DYSF: variants seen among roughly 807,000 people sequenced by gnomAD.
The protein encoded by DYSF is dystrophy-associated fer-1-like 1.
A neutral mutation model predicts 274.9 loss-of-function variants in DYSF; 212 were observed. The observed-to-expected ratio is 0.77, with a 90% CI of 0.69 to 0.86. The LOEUF (loss-of-function observed/expected upper bound fraction) is 0.86, where lower values mean the gene tolerates loss of function less well. Ranked by LOEUF, DYSF falls within the 40% of genes least tolerant of loss-of-function variation. DYSF has a pLI of 0.00. For missense variants in DYSF, 2,666 were observed against 2,783.2 expected, an observed-to-expected ratio of 0.96 and a Z score of 0.95; for synonymous variants, 1,091 against 1,078.7, an observed-to-expected ratio of 1.01 and a Z score of -0.22.
chr2:71,629,246 G>A (rs1217558610), intron 41 of DYSF, among the ~76,000 whole-genome samples: 4 of 152,168 alleles, frequency 2.6e-5, no homozygotes, highest in Middle Eastern at 6.8e-3. Context: ...CCTATCTATT[G>A]AGTTTTCAGT....
At chr2:71,541,673 A>G (rs1393185472) in intron 17 of DYSF, among the ~76,000 whole-genome samples, 1 of 151,962 alleles carries the variant, frequency 6.6e-6, no homozygotes, top group East Asian at 1.9e-4. Flanking sequence ...TAATGAAAGT[A>G]TGGTTTCTGC....
chr2:71,539,270 C>A, intron 17 of DYSF, 31 bp downstream of exon 17: 1 of 1,589,780 alleles, frequency 6.3e-7, no homozygotes, highest in Non-Finnish European at 8.6e-7. Context: ...GCCCTTTGAC[C>A]CCCTGTGCTC....
rs1386290894 is a variant in DYSF, at chr2:71,517,002, G to T, written c.965G>T (p.Arg322Leu). 1 of 1,614,132 alleles carries T rather than the reference G, an allele frequency of 6.2e-7. No homozygotes were observed. The change falls in exon 10 of 56, where the codon CGT becomes CTT. Residue 322 changes from arginine (R) to leucine (L), a missense_variant. Arg to Leu is a moderately radical substitution (Grantham distance 102). Around this residue, in one of 3 missense-constraint regions of DYSF, gnomAD observed 794 missense variants for 777.1 expected, o/e 1.02. Coordinates refer to ENST00000410020, the MANE Select transcript of DYSF (RefSeq NM_001130987.2). ...EPIFITVVDSRSLRTDALLGE... is the reference protein window; with the variant it reads ...EPIFITVVDSLSLRTDALLGE... Reference sequence around the variant, plus strand: ...CTTTCTCTGCAGGTGGTAGACTCTCGTTCTCTCAGGACAGATGCTCTCCTC... The same window carrying T: ...CTTTCTCTGCAGGTGGTAGACTCTCTTTCTCTCAGGACAGATGCTCTCCTC...
chr2:71,479,872 C>T (rs1438435110), intron 1 of DYSF, among the ~76,000 whole-genome samples: 1 of 152,130 alleles, frequency 6.6e-6, no homozygotes, highest in East Asian at 1.9e-4. Context: ...TCCTTCAAGG[C>T]CTTGGAGGGT....
At chr2:71,650,919 C>CA (rs1203633080) in intron 42 of DYSF, among the ~76,000 whole-genome samples, 5 of 151,644 alleles carry the variant, frequency 3.3e-5, no homozygotes, top group Non-Finnish European at 7.4e-5. Context: ...ATGTTAATTA[C>CA]AAAAAAGAAA....
chr2:71,576,050 C>T (rs745917), intron 30 of DYSF, among the ~76,000 whole-genome samples: 58,351 of 152,082 alleles, frequency 0.38, 12,002 homozygotes, highest in African/African-American at 0.53. Context: ...TGAGTGCTGC[C>T]TTCTCAGTAA....
chr2:71,617,799 GGGGTATAT>G (rs201500336), intron 40 of DYSF, among the ~76,000 whole-genome samples: 1 of 112,462 alleles, frequency 8.9e-6, no homozygotes, highest in Non-Finnish European at 1.9e-5. Context: ...TGGTAGAGGT[GGGGTATAT>G]GTGTGTGTGT....
At chr2:71,560,185 G>T (rs904209784) in intron 22 of DYSF, among the ~76,000 whole-genome samples, 4 of 152,172 alleles carry the variant, frequency 2.6e-5, no homozygotes, top group Admixed American at 2.0e-4. Context: ...AGCCGAGACA[G>T]CACGGAGACA....
At chr2:71,532,135 A>G (rs1256247382) in intron 14 of DYSF, among the ~76,000 whole-genome samples, 1 of 152,156 alleles carries the variant, frequency 6.6e-6, no homozygotes, top group African/African-American at 2.4e-5. Flanking sequence ...ATTTTTTTTG[A>G]TGGCTGCATA....
intron 15 of DYSF, 63 bp downstream of exon 15, chr2:71,535,152 A>G (rs1573809710): frequency 6.2e-7 from 1 of 1,606,474 alleles, no homozygotes; most frequent in Non-Finnish European, 8.5e-7. Context: ...CGGGAGGTCC[A>G]GGGCTCCTGC....
At chr2:71,545,156 A>C (rs1000648097) in intron 17 of DYSF, among the ~76,000 whole-genome samples, 5 of 152,224 alleles carry the variant, frequency 3.3e-5, no homozygotes, top group African/African-American at 1.2e-4. Context: ...AGTAGGAAAG[A>C]GTTCCAGGCA....
intron 16 of DYSF, among the ~76,000 whole-genome samples, chr2:71,538,350 C>G (rs2089596644): frequency 6.6e-6 from 1 of 152,174 alleles, no homozygotes; most frequent in Non-Finnish European, 1.5e-5. Flanking sequence ...GTGAATCAAG[C>G]AGTTAACCTC....
chr2:71,684,444 G>A (rs568698776), intron 55 of DYSF, among the ~76,000 whole-genome samples: 4 of 152,372 alleles, frequency 2.6e-5, no homozygotes, highest in South Asian at 2.1e-4. Context: ...CTCTAAGCAC[G>A]TGTGTGCGTC....
intron 41 of DYSF, among the ~76,000 whole-genome samples, chr2:71,641,178 ATTT>A (rs10683765): frequency 1.6e-5 from 2 of 124,542 alleles, no homozygotes; most frequent in Non-Finnish European, 1.6e-5. Flanking sequence ...ATGTTTATCT[ATTT>A]TTTTTTTTTT....
At chr2:71,593,144 TTTTTTG>T in intron 32 of DYSF, among the ~76,000 whole-genome samples, 1 of 148,784 alleles carries the variant, frequency 6.7e-6, no homozygotes, top group Non-Finnish European at 1.5e-5. Context: ...TTTTTTTTTT[TTTTTTG>T]AGACAGAGTT....
At chr2:71,570,464 C>T in intron 28 of DYSF, 130 bp downstream of exon 28, 8 of 1,418,486 alleles carry the variant, frequency 5.6e-6, no homozygotes, top group South Asian at 4.8e-5. Context: ...AGGCACCCCC[C>T]ACTCCAAGCT....
chr2:71,469,815 C>T (rs1240459515), intron 1 of DYSF, among the ~76,000 whole-genome samples: 1 of 152,202 alleles, frequency 6.6e-6, no homozygotes, highest in Non-Finnish European at 1.5e-5. Flanking sequence ...ATATTTTTGA[C>T]TGATTGTGTC....
chr2:71,674,328 C>T, intron 52 of DYSF, 32 bp downstream of exon 52: 1 of 1,595,442 alleles, frequency 6.3e-7, no homozygotes, highest in Middle Eastern at 1.7e-4. Context: ...CCATTCTGCA[C>T]ATGGGGGCTG....
chr2:71,555,913 G>A (rs961375059), intron 21 of DYSF, 52 bp from the exon 22 acceptor site: 3 of 1,440,942 alleles, frequency 2.1e-6, no homozygotes, highest in South Asian at 2.4e-5. Flanking sequence ...GGTCCAGCAT[G>A]CACCCTCTGC....
Sources: allele counts gnomAD v4.1 joint callset (sites outside exome capture counted in the v4.1 genomes callset), GRCh38; gene constraint gnomAD v4.1.1; regional missense constraint gnomAD v4.1.1; transcripts MANE v1.5; gene names NCBI Gene and HGNC (gene_info 2026-07-23, HGNC 2026-07-21).